Variants in CACNA2D4 observed in about 807,000 individuals in gnomAD.
The protein encoded by CACNA2D4 is calcium voltage-gated channel auxiliary subunit alpha2delta 4.
A neutral mutation model predicts 163.8 loss-of-function variants in CACNA2D4; 157 were observed. That is an observed-to-expected ratio of 0.96 (90% CI 0.84 to 1.09). CACNA2D4 has a LOEUF of 1.09. Ranked by LOEUF, CACNA2D4 falls within the 50% of genes least tolerant of loss-of-function variation. The probability of loss-of-function intolerance (pLI) is 0.00; values close to 1 mark genes in which losing one functional copy is unlikely to be tolerated. For synonymous variants in CACNA2D4, 598 were observed against 586.9 expected (o/e 1.02, Z -0.27); for missense variants, 1,410 against 1,479.9 (o/e 0.95, Z 0.78).
intron 19 of CACNA2D4, among the ~76,000 whole-genome samples, chr12:1,859,118 C>G (rs1865466735): frequency 6.6e-6 from 1 of 152,194 alleles, no homozygotes; most frequent in South Asian, 2.1e-4. Context: ...TGCATGGGCT[C>G]TACCCCCAGA....
chr12:1,870,938 G>A (rs560912425), intron 18 of CACNA2D4, among the ~76,000 whole-genome samples: 2 of 152,352 alleles, frequency 1.3e-5, no homozygotes, highest in South Asian at 4.1e-4. Context: ...GCACGTCACA[G>A]AGTACTCTAG....
intron 6 of CACNA2D4, among the ~76,000 whole-genome samples, chr12:1,890,413 A>C (rs1353206208): frequency 2.6e-5 from 4 of 152,196 alleles, no homozygotes; most frequent in Non-Finnish European, 5.9e-5. Flanking sequence ...CCAGGGCTGA[A>C]GCGTGAGCTA....
chr12:1,862,431 T>TTTTTG lies in CACNA2D4; in HGVS notation c.1879-2230_1879-2226dup, dbSNP rs375617882. Among the ~76,000 whole-genome samples the TTTTTG allele has an allele frequency of 1.0e-3, 158 of 152,218 alleles. 2 individuals are homozygous for TTTTTG. The highest frequency in any genetic ancestry group is 3.6e-3 in the African/African-American group (148 of 41,528). On this transcript the variant is annotated intron_variant, in intron 18 of 37. Coordinates refer to ENST00000382722, the MANE Select transcript of CACNA2D4 (RefSeq NM_172364.5). ...TATAGAGAATCTTGCAGTTTTTTGGTTTTTGTTTTGTTTTGTTTTGTTTTG... is the reference window on the plus strand; with the variant it reads ...TATAGAGAATCTTGCAGTTTTTTGGTTTTTGTTTTGTTTTGTTTTGTTTTGTTTTG...
chr12:1,884,693 A>G, intron 11 of CACNA2D4, 75 bp downstream of exon 11: 1 of 945,462 alleles, frequency 1.1e-6, no homozygotes, highest in Non-Finnish European at 1.7e-6. Flanking sequence ...CCATCCTTCT[A>G]GGGTCCCTGC....
intron 14 of CACNA2D4, 135 bp downstream of exon 14, chr12:1,879,669 G>T: frequency 1.4e-6 from 1 of 724,052 alleles, no homozygotes. Flanking sequence ...CTCTGGGACA[G>T]GCCTGGAAAT....
rs1253989601 is a variant in CACNA2D4 at position 1,875,234 on chromosome 12, C to G, written c.1806+17G>C. Reference sequence around the variant, plus strand: ...AGAGCCTAACTAGCTTCCCTTCCCCCTATTTTCCCCACTCACAGATTCAGC... The same window carrying G: ...AGAGCCTAACTAGCTTCCCTTCCCCGTATTTTCCCCACTCACAGATTCAGC... On this transcript the variant is annotated intron_variant, in intron 17 of 37. Transcript: ENST00000382722. This position sits in a 1 kb window ranked among gnomAD's most constrained non-coding sequence, Gnocchi z 4.0. 1 of 1,581,922 alleles carries G rather than the reference C, an allele frequency of 6.3e-7. No homozygotes were observed. Among genetic ancestry groups the G allele is most frequent in the Non-Finnish European group, 8.7e-7 (1 of 1,150,814 alleles).
chr12:1,831,003 G>A, intron 26 of CACNA2D4: 1 of 1,614,120 alleles, frequency 6.2e-7, no homozygotes, highest in South Asian at 1.1e-5. Context: ...CTGCAAGTGT[G>A]ACAGCCGCAG....
At chr12:1,817,014 C>T (rs1351550656) in intron 26 of CACNA2D4, among the ~76,000 whole-genome samples, 2 of 152,250 alleles carry the variant, frequency 1.3e-5, no homozygotes, top group Admixed American at 1.3e-4. Flanking sequence ...TCCAGCTTTG[C>T]CCTCCTAGCC....
chr12:1,905,699 G>A (rs1176762872), intron 6 of CACNA2D4, among the ~76,000 whole-genome samples: 5 of 152,072 alleles, frequency 3.3e-5, no homozygotes, highest in Non-Finnish European at 5.9e-5. Flanking sequence ...AAGAAATTAA[G>A]GACAGAAATA....
chr12:1,871,401 GGTGT>G (rs1156458596), intron 18 of CACNA2D4, among the ~76,000 whole-genome samples: 3 of 140,568 alleles, frequency 2.1e-5, no homozygotes, highest in African/African-American at 5.3e-5. Context: ...ACGTGCTGCT[GGTGT>G]GTGTACAAAT....
At chr12:1,830,525 A>G (rs1864574374) in intron 26 of CACNA2D4, among the ~76,000 whole-genome samples, 1 of 152,138 alleles carries the variant, frequency 6.6e-6, no homozygotes, top group African/African-American at 2.4e-5. Flanking sequence ...GGTTTCTCTG[A>G]CAACCTTATC....
In CACNA2D4 at chr12:1,856,095, G is replaced by C; in HGVS notation, c.2069C>G (p.Thr690Arg). The change falls in exon 22 of 38, where the codon ACA (threonine) becomes AGA (arginine). Residue 690 changes from threonine to arginine, a missense_variant. By Grantham distance (71) the Thr-to-Arg change is moderately conservative. Coordinates refer to ENST00000382722, the MANE Select transcript of CACNA2D4 (RefSeq NM_172364.5). The stretch of plus-strand genomic sequence containing the variant: ...CTTCCGGTGGTCTGGGTCAATATCT[G>C]TGATGCAGTAGATCCTGAAACCCAG... ...ALAGDWIYCI[T>R]DIDPDHRKLS... The C allele has an allele frequency of 1.2e-6, 2 of 1,613,890 alleles. No individual in the cohort carries two copies. Among genetic ancestry groups the C allele is most frequent in the South Asian group, 1.1e-5 (1 of 91,078 alleles).
chr12:1,842,899 G>T (rs932947674), intron 25 of CACNA2D4, among the ~76,000 whole-genome samples: 2 of 152,148 alleles, frequency 1.3e-5, no homozygotes, highest in Non-Finnish European at 2.9e-5. Context: ...GGCTTGCACT[G>T]GTAATAAAAA....
At chr12:1,836,607 T>C (rs2154447467) in intron 26 of CACNA2D4, 1 of 152,628 alleles carries the variant, frequency 6.6e-6, no homozygotes, top group Non-Finnish European at 1.5e-5. Context: ...TGGTACCAGA[T>C]CTGGGGATTT....
intron 18 of CACNA2D4, 105 bp from the exon 19 acceptor site, chr12:1,860,311 C>T: frequency 2.5e-6 from 2 of 790,858 alleles, no homozygotes; most frequent in Non-Finnish European, 4.3e-6. Flanking sequence ...TGTACAGTCC[C>T]TCCGCCTTCT....
intron 26 of CACNA2D4, among the ~76,000 whole-genome samples, chr12:1,818,977 A>G (rs1423557546): frequency 6.8e-6 from 1 of 147,452 alleles, no homozygotes; most frequent in Non-Finnish European, 1.5e-5. Context: ...ACACCCAAGA[A>G]TGATCAATAA....
intron 35 of CACNA2D4, 36 bp downstream of exon 35, chr12:1,797,382 T>G: frequency 7.1e-7 from 1 of 1,414,196 alleles, no homozygotes; most frequent in Non-Finnish European, 9.6e-7. Context: ...GCGGGAGGAG[T>G]GTGGCGGGAC....
chr12:1,872,597 G>A lies in CACNA2D4; in HGVS notation c.1878+2007C>T, dbSNP rs576815443. 1.4e-4 allele frequency among the ~76,000 whole-genome samples: 21 copies of A among 152,316 alleles called. No homozygotes were observed. The East Asian group carries it at 2.1e-3, about 15-fold the overall frequency. On this transcript the variant is annotated intron_variant, in intron 18 of 37. Coordinates refer to ENST00000382722, the MANE Select transcript of CACNA2D4 (RefSeq NM_172364.5). ...TCAGCAGGCAGGCCGACCATGGGGC[G>A]GTTGGATGGCTCTGTGAGAGCTGTG...
intron 6 of CACNA2D4, among the ~76,000 whole-genome samples, chr12:1,897,686 G>A (rs1866439190): frequency 6.6e-6 from 1 of 152,154 alleles, no homozygotes; most frequent in African/African-American, 2.4e-5. Flanking sequence ...CGTAAATAAA[G>A]GGATAGAGGA....
Sources: gnomAD v4.1 joint callset for allele counts (sites outside exome capture counted in the v4.1 genomes callset) on GRCh38, gnomAD v4.1.1 for gene constraint, Gnocchi (gnomAD v3.1) non-coding constraint, MANE v1.5 for transcripts, NCBI Gene and HGNC (gene_info 2026-07-23, HGNC 2026-07-21) for gene names.